Variants in LDHB observed in about 807,000 individuals in gnomAD.
LDHB encodes L-lactate dehydrogenase B chain.
A neutral mutation model predicts 33.4 loss-of-function variants in LDHB; 18 were observed. The observed-to-expected ratio is 0.54, with a 90% CI of 0.37 to 0.80. The LOEUF (loss-of-function observed/expected upper bound fraction) is 0.80. Ranked by LOEUF, LDHB falls within the 30% of genes least tolerant of loss-of-function variation. The pLI, the probability that LDHB is intolerant of heterozygous loss-of-function variation, is 0.00. For synonymous variants in LDHB, 121 were observed against 140.6 expected (o/e 0.86, Z 0.98); for missense variants, 345 against 407.9 (o/e 0.85, Z 1.33).
At chr12:21,641,201 C>T (rs1938360727) in intron 5 of LDHB, among the ~76,000 whole-genome samples, 1 of 152,140 alleles carries the variant, frequency 6.6e-6, no homozygotes, top group Non-Finnish European at 1.5e-5. Context: ...AGTAACTTCA[C>T]ACAGAGTAAC....
chr12:21,650,232 G>T (rs1280770569), intron 2 of LDHB, among the ~76,000 whole-genome samples: 4 of 151,732 alleles, frequency 2.6e-5, no homozygotes, highest in African/African-American at 9.7e-5. Flanking sequence ...TTAACTAAAT[G>T]GATATGTGCC....
intron 3 of LDHB, among the ~76,000 whole-genome samples, chr12:21,645,237 G>C (rs1266911323): frequency 4.1e-5 from 1 of 24,648 alleles, no homozygotes; most frequent in Non-Finnish European, 1.7e-4. Context: ...AGTACACTAT[G>C]GAAGGCCGCA....
At chr12:21,656,492 G>A (rs568916661) in intron 1 of LDHB, among the ~76,000 whole-genome samples, 3 of 152,190 alleles carry the variant, frequency 2.0e-5, no homozygotes, top group Non-Finnish European at 4.4e-5. Flanking sequence ...GTTTATTGTT[G>A]TTAGATGGTC....
rs577250771 is a variant in LDHB at position 21,640,110 on chromosome 12, T to TA, written c.596-1641dup. Among the ~76,000 whole-genome samples, 488 of 148,528 alleles carry TA rather than the reference T, an allele frequency of 3.3e-3. 4 individuals are homozygous for TA. Among genetic ancestry groups the TA allele is most frequent in the African/African-American group, 0.011 (465 of 40,808 alleles). ...TATTATTTATCATCATTATTATTAA[T>TA]AAAATATTTTAAATTATTAGTTTCA... On this transcript the variant is annotated intron_variant, in intron 5 of 7. Coordinates refer to ENST00000350669, the MANE Select transcript of LDHB (RefSeq NM_002300.8).
intron 7 of LDHB, among the ~76,000 whole-genome samples, chr12:21,635,968 A>C (rs1163053558): frequency 5.3e-5 from 8 of 152,150 alleles, no homozygotes. Flanking sequence ...TCATTCCCTA[A>C]TCTAATTTTC....
At chr12:21,649,240 T>C (rs1012826422) in intron 2 of LDHB, among the ~76,000 whole-genome samples, 2 of 152,216 alleles carry the variant, frequency 1.3e-5, no homozygotes, top group Admixed American at 6.5e-5. Flanking sequence ...TGTCAGATCC[T>C]GTCTCTGTTT....
At chr12:21,642,460 T>C (rs1938400248) in intron 4 of LDHB, among the ~76,000 whole-genome samples, 1 of 151,762 alleles carries the variant, frequency 6.6e-6, no homozygotes, top group South Asian at 2.1e-4. Flanking sequence ...TTGAACCAGG[T>C]TGTCAGTTAA....
At chr12:21,649,855 G>T (rs913743615) in intron 2 of LDHB, among the ~76,000 whole-genome samples, 3 of 152,026 alleles carry the variant, frequency 2.0e-5, no homozygotes, top group African/African-American at 7.3e-5. Context: ...ATTTTGGGGG[G>T]CTGAGGCAGG....
At position 21,648,583 on chromosome 12, in the gene LDHB, T is replaced by C. The variant is rs575510607; in HGVS notation, c.130-1567A>G. ...AGGTAACTGGAGTTCAGGAAGCACT[T>C]TGAAGAATAAGGTGGAATAAGGTGG... On this transcript the variant is annotated intron_variant, in intron 2 of 7. Transcript: ENST00000350669. 3.4e-4 allele frequency among the ~76,000 whole-genome samples: 52 copies of C among 151,980 alleles called. 1 individual carries two copies. The highest frequency in any genetic ancestry group is 1.2e-3 in the African/African-American group (51 of 41,446).
At chr12:21,647,837 C>T (rs1312052554) in intron 2 of LDHB, among the ~76,000 whole-genome samples, 1 of 152,012 alleles carries the variant, frequency 6.6e-6, no homozygotes, top group Non-Finnish European at 1.5e-5. Flanking sequence ...GCTGGGATTA[C>T]AGGTACGTGC....
intron 2 of LDHB, among the ~76,000 whole-genome samples, chr12:21,650,002 G>A (rs1388196796): frequency 2.0e-5 from 3 of 152,058 alleles, no homozygotes; most frequent in African/African-American, 7.2e-5. Context: ...TGAGGCAGGA[G>A]AATCACTTGA....
intron 3 of LDHB, 81 bp downstream of exon 3, chr12:21,646,817 AT>A: frequency 1.2e-6 from 1 of 816,958 alleles, no homozygotes; most frequent in South Asian, 1.3e-5. Context: ...AAATAAATCT[AT>A]TATGCTGTAA....
chr12:21,657,754 G>C lies in LDHB; in HGVS notation c.-10C>G, dbSNP rs917239871. 38 of 152,370 alleles carry C rather than the reference G, an allele frequency of 2.5e-4. No homozygotes were observed. Among genetic ancestry groups the C allele is most frequent in the African/African-American group, 8.7e-4 (36 of 41,484 alleles). The allele number at this position is 152,370 out of a possible 1,614,324, so 9.4% of individuals were successfully genotyped here. On this transcript the variant is annotated 5_prime_UTR_variant, in exon 1 of 8. Coordinates refer to ENST00000350669, the MANE Select transcript of LDHB (RefSeq NM_002300.8). ...AGGGTCCTGAGCCGAAACCTACCAG[G>C]AGAGAGAAGGCTCTGGAGACCTCTG... is the stretch of plus-strand genomic sequence containing the variant.
intron 7 of LDHB, among the ~76,000 whole-genome samples, 179 bp from the exon 8 acceptor site, chr12:21,635,888 GA>G (rs1320541236): frequency 6.6e-6 from 1 of 151,838 alleles, no homozygotes; most frequent in Non-Finnish European, 1.5e-5. Flanking sequence ...CTAAAGGGGG[GA>G]AAAAAGAGAA....
intron 2 of LDHB, 136 bp downstream of exon 2, chr12:21,654,407 G>C (rs947130996): frequency 4.0e-6 from 3 of 755,158 alleles, no homozygotes; most frequent in South Asian, 1.6e-5. Flanking sequence ...AAAGTGAAGT[G>C]GGATTACATC....
intron 6 of LDHB, among the ~76,000 whole-genome samples, chr12:21,637,852 C>T (rs1317868122): frequency 1.3e-5 from 2 of 151,526 alleles, no homozygotes; most frequent in Admixed American, 1.3e-4. Flanking sequence ...TATAAAGACT[C>T]TTTCAACTTT....
At chr12:21,642,148 A>C in intron 4 of LDHB, 23 bp from the exon 5 acceptor site, 2 of 1,595,836 alleles carry the variant, frequency 1.3e-6, no homozygotes, top group Non-Finnish European at 1.7e-6. Flanking sequence ...GAAATAATAT[A>C]TGTAAGTAAA....
chr12:21,656,767 G>A (rs1324038275), intron 1 of LDHB, among the ~76,000 whole-genome samples: 1 of 152,028 alleles, frequency 6.6e-6, no homozygotes, highest in Non-Finnish European at 1.5e-5. Flanking sequence ...GCCAACATCA[G>A]AGTGCAGGCT....
chr12:21,636,756 C>T (rs1047106399), intron 7 of LDHB, among the ~76,000 whole-genome samples: 4 of 152,058 alleles, frequency 2.6e-5, no homozygotes, highest in African/African-American at 7.2e-5. Flanking sequence ...TTTAGTACAT[C>T]AACTTTAAAT....
Sources: allele counts gnomAD v4.1 joint callset (sites outside exome capture counted in the v4.1 genomes callset), GRCh38; gene constraint gnomAD v4.1.1; transcripts MANE v1.5; gene names NCBI Gene and HGNC (gene_info 2026-07-23, HGNC 2026-07-21).